RABGAP1L: variants seen among roughly 807,000 people sequenced by gnomAD.
The protein encoded by RABGAP1L is RAB GTPase activating protein 1 like.
In RABGAP1L, 63 loss-of-function variants were observed where a neutral mutation model predicts 137.7. The observed-to-expected ratio is 0.46, with a 90% CI of 0.37 to 0.56. The LOEUF (loss-of-function observed/expected upper bound fraction) is 0.56. Among genes scored for constraint, RABGAP1L ranks in the 20% least tolerant of loss-of-function variants. RABGAP1L has a pLI of 0.00. For missense variants in RABGAP1L, 1,095 were observed against 1,244.0 expected, an observed-to-expected ratio of 0.88 and a Z score of 1.80; for synonymous variants, 431 against 433.7, an observed-to-expected ratio of 0.99 and a Z score of 0.08.
intron 15 of RABGAP1L, among the ~76,000 whole-genome samples, chr1:174,697,510 G>A (rs1249823868): frequency 6.6e-6 from 1 of 152,096 alleles, no homozygotes; most frequent in East Asian, 1.9e-4. Flanking sequence ...GTAGAGACGG[G>A]GTTTCGTCAT....
At chr1:174,762,717 C>T (rs1440513130) in intron 18 of RABGAP1L, among the ~76,000 whole-genome samples, 1 of 151,408 alleles carries the variant, frequency 6.6e-6, no homozygotes, top group Non-Finnish European at 1.5e-5. Flanking sequence ...ATTGAGAAAG[C>T]ATAGGTTTTC....
chr1:174,534,421 T>C (rs1664710850), intron 13 of RABGAP1L, among the ~76,000 whole-genome samples: 1 of 152,002 alleles, frequency 6.6e-6, no homozygotes, highest in Non-Finnish European at 1.5e-5. Context: ...TATGTACCTA[T>C]GATGGTTTAA....
chr1:174,832,920 C>T (rs972271431), intron 19 of RABGAP1L, among the ~76,000 whole-genome samples: 2 of 152,308 alleles, frequency 1.3e-5, no homozygotes, highest in Admixed American at 1.3e-4. Flanking sequence ...GCATGTTTAT[C>T]ATTTAATCAT....
At chr1:174,828,695 T>C (rs1238383338) in intron 19 of RABGAP1L, among the ~76,000 whole-genome samples, 6 of 148,534 alleles carry the variant, frequency 4.0e-5, no homozygotes, top group Non-Finnish European at 9.0e-5. Flanking sequence ...AATTAATTCC[T>C]TGTTGTAGCT....
At chr1:174,505,565 T>C (rs1254090662) in intron 13 of RABGAP1L, among the ~76,000 whole-genome samples, 1 of 151,772 alleles carries the variant, frequency 6.6e-6, no homozygotes, top group Non-Finnish European at 1.5e-5. Flanking sequence ...ATGCTGAACA[T>C]CACTAATCAT....
At position 174,925,982 on chromosome 1, in the gene RABGAP1L, G is replaced by A. The variant is rs187754396; in HGVS notation, c.2341-31475G>A. On this transcript the variant is annotated intron_variant, in intron 19 of 25. Coordinates refer to ENST00000681986, the MANE Select transcript of RABGAP1L (RefSeq NM_001366446.1). ...AGGTTCAAGTGATTCTCATGCCTCA[G>A]CCTCCCAAGTAGCTGGGTCTACAGG... Among the ~76,000 whole-genome samples the A allele has an allele frequency of 4.1e-5, 6 of 146,342 alleles. No homozygotes were observed. In the East Asian group the frequency reaches 1.3e-3, roughly 31 times the overall value.
chr1:174,550,895 T>TATATATATATAC (rs1456087584), intron 13 of RABGAP1L, among the ~76,000 whole-genome samples: 48 of 50,928 alleles, frequency 9.4e-4, no homozygotes, highest in East Asian at 5.6e-3. Context: ...TATATATATA[T>TATATATATATAC]ACACACACAC....
intron 11 of RABGAP1L, among the ~76,000 whole-genome samples, chr1:174,347,328 T>C (rs1372845447): frequency 6.6e-6 from 1 of 152,184 alleles, no homozygotes; most frequent in Non-Finnish European, 1.5e-5. Context: ...AGTCTCTAGC[T>C]ATTGCATTGG....
At chr1:174,726,645 GAT>G (rs2148608433) in intron 17 of RABGAP1L, among the ~76,000 whole-genome samples, 1 of 152,140 alleles carries the variant, frequency 6.6e-6, no homozygotes, top group African/African-American at 2.4e-5. Flanking sequence ...TTTTCTAAGA[GAT>G]AGAAATTTTG....
At chr1:174,831,831 G>A (rs868705960) in intron 19 of RABGAP1L, among the ~76,000 whole-genome samples, 1 of 148,324 alleles carries the variant, frequency 6.7e-6, no homozygotes. Flanking sequence ...CCAAATTCTA[G>A]TGACTTAACT....
intron 1 of RABGAP1L, among the ~76,000 whole-genome samples, chr1:174,185,139 C>T (rs1429079144): frequency 6.6e-6 from 1 of 152,204 alleles, no homozygotes; most frequent in Non-Finnish European, 1.5e-5. Context: ...AGAGATCTGT[C>T]AGTGCTCTCT....
At chr1:174,436,928 C>T (rs1653409332) in intron 13 of RABGAP1L, among the ~76,000 whole-genome samples, 1 of 152,248 alleles carries the variant, frequency 6.6e-6, no homozygotes, top group Admixed American at 6.5e-5. Flanking sequence ...TGCTGTTCTG[C>T]AGCCACCGCT....
intron 13 of RABGAP1L, among the ~76,000 whole-genome samples, chr1:174,578,481 G>GT (rs913113573): frequency 5.6e-4 from 83 of 148,226 alleles, no homozygotes; most frequent in Middle Eastern, 3.5e-3. Context: ...GGCAGAAGTT[G>GT]TTTTTTTTTT....
At chr1:174,265,580 TC>T (rs1195298189) in intron 7 of RABGAP1L, among the ~76,000 whole-genome samples, 1 of 150,600 alleles carries the variant, frequency 6.6e-6, no homozygotes, top group African/African-American at 2.4e-5. Flanking sequence ...AGGAAAGCAC[TC>T]ATATTTGAGT....
chr1:174,290,660 T>A (rs903676232), intron 10 of RABGAP1L, among the ~76,000 whole-genome samples: 1 of 152,166 alleles, frequency 6.6e-6, no homozygotes, highest in African/African-American at 2.4e-5. Context: ...TTCTTTAAAT[T>A]TTAATTTTTT....
intron 13 of RABGAP1L, among the ~76,000 whole-genome samples, chr1:174,566,563 A>T (rs1430354216): frequency 6.6e-6 from 1 of 152,148 alleles, no homozygotes; most frequent in Non-Finnish European, 1.5e-5. Flanking sequence ...AGACAGTATC[A>T]CTTCTTCTCT....
At chr1:174,312,481 C>G (rs1206943388) in intron 11 of RABGAP1L, among the ~76,000 whole-genome samples, 1 of 151,988 alleles carries the variant, frequency 6.6e-6, no homozygotes, top group East Asian at 1.9e-4. Flanking sequence ...TGAGCTGTTC[C>G]TTATATTTTC....
chr1:174,468,614 G>C (rs771705083), intron 13 of RABGAP1L, among the ~76,000 whole-genome samples: 1 of 152,130 alleles, frequency 6.6e-6, no homozygotes, highest in African/African-American at 2.4e-5. Flanking sequence ...ATTTCAAATA[G>C]TAGTTAATTT....
In RABGAP1L at chr1:174,840,174, T is replaced by C. The variant is rs74126885; in HGVS notation, c.2340+28214T>C. On this transcript the variant is annotated intron_variant, in intron 19 of 25. Coordinates refer to ENST00000681986, the MANE Select transcript of RABGAP1L (RefSeq NM_001366446.1). ...AGAAAGCATGACATAGAGTATGGGA[T>C]AGAGGAGGAGAATTGGCAAAAAATA... Among the ~76,000 whole-genome samples the C allele has an allele frequency of 5.7e-3, 874 of 152,250 alleles. 8 individuals are homozygous for C. The highest frequency in any genetic ancestry group is 0.02 in the African/African-American group (834 of 41,544).
Sources: allele counts gnomAD v4.1 joint callset (sites outside exome capture counted in the v4.1 genomes callset), GRCh38; gene constraint gnomAD v4.1.1; transcripts MANE v1.5; gene names NCBI Gene and HGNC (gene_info 2026-07-23, HGNC 2026-07-21).